Variants in FOXP2 observed in about 807,000 individuals in gnomAD.
The protein encoded by FOXP2 is forkhead box protein P2.
Under a neutral mutation model 115.8 loss-of-function variants are expected in FOXP2, and 12 were observed. The ratio of observed to expected loss-of-function variants is 0.10; its 90% confidence interval spans 0.07 to 0.17. The LOEUF is 0.17. FOXP2 is among the 10% of genes least tolerant of loss of function. The pLI is 1.00. For missense variants in FOXP2, 629 were observed against 843.5 expected (o/e 0.75, Z 3.15); for synonymous variants, 328 against 297.7 (o/e 1.10, Z -1.05).
intron 1 of FOXP2, among the ~76,000 whole-genome samples, chr7:114,225,311 C>G (rs1048359391): frequency 6.6e-6 from 1 of 151,878 alleles, no homozygotes; most frequent in African/African-American, 2.4e-5. Flanking sequence ...GGCCTTCCCC[C>G]CCTCCCCCTT....
chr7:114,338,745 T>G (rs1791116802), intron 2 of FOXP2, among the ~76,000 whole-genome samples: 1 of 82,278 alleles, frequency 1.2e-5, no homozygotes. Flanking sequence ...CTTGTCAAGA[T>G]GTTCACACAC....
chr7:114,510,776 A>G (rs188994450), intron 2 of FOXP2, among the ~76,000 whole-genome samples: 4 of 152,320 alleles, frequency 2.6e-5, no homozygotes, highest in South Asian at 2.1e-4. Context: ...AATTACTTCA[A>G]CCATTGTGGA....
Position 114,498,485 on chromosome 7 carries a change from A to G in FOXP2, c.169-36132A>G, listed in dbSNP as rs536126053. On this transcript the variant is annotated intron_variant, in intron 2 of 16. Coordinates refer to ENST00000350908, the MANE Select transcript of FOXP2 (RefSeq NM_014491.4). Reference sequence around the variant, plus strand: ...ATACAATACAGCCTGGTTAAGTGCAATACAAACACTGGAAAATAGGAAACT... The same window carrying G: ...ATACAATACAGCCTGGTTAAGTGCAGTACAAACACTGGAAAATAGGAAACT... Among the ~76,000 whole-genome samples, 52 of 152,320 alleles carry G rather than the reference A, an allele frequency of 3.4e-4. 1 individual carries two copies. Among genetic ancestry groups the G allele is most frequent in the Non-Finnish European group, 5.7e-4 (39 of 68,030 alleles).
chr7:114,316,134 G>A (rs1797270262), intron 2 of FOXP2, among the ~76,000 whole-genome samples: 1 of 152,148 alleles, frequency 6.6e-6, no homozygotes, highest in Admixed American at 6.5e-5. Flanking sequence ...TCAGCTGGGT[G>A]TGTGCATGTC....
At chr7:114,460,736 C>CA (rs897230288) in intron 2 of FOXP2, among the ~76,000 whole-genome samples, 1 of 152,094 alleles carries the variant, frequency 6.6e-6, no homozygotes, top group African/African-American at 2.4e-5. Context: ...AGTTCTCTCA[C>CA]AAATGAAAAG....
intron 3 of FOXP2, among the ~76,000 whole-genome samples, chr7:114,549,308 C>T (rs1031755212): frequency 6.6e-6 from 1 of 152,150 alleles, no homozygotes; most frequent in African/African-American, 2.4e-5. Context: ...TACCTAGGGT[C>T]AAACTTCAGT....
chr7:114,132,469 T>C (rs902668513), intron 1 of FOXP2, among the ~76,000 whole-genome samples: 1 of 150,888 alleles, frequency 6.6e-6, no homozygotes, highest in Non-Finnish European at 1.5e-5. Context: ...AACTGACAAA[T>C]AAATCTGTTA....
chr7:114,575,990 G>T (rs1459529938), intron 3 of FOXP2, among the ~76,000 whole-genome samples: 1 of 151,722 alleles, frequency 6.6e-6, no homozygotes, highest in African/African-American at 2.4e-5. Context: ...TGAATTCATT[G>T]TTTTACTGTG....
chr7:114,405,391 A>T (rs556125978), intron 2 of FOXP2, among the ~76,000 whole-genome samples: 1 of 151,936 alleles, frequency 6.6e-6, no homozygotes, highest in Non-Finnish European at 1.5e-5. Context: ...ACAAATAGTA[A>T]TATCTATTAA....
chr7:114,663,049 A>C (rs1392017890), intron 14 of FOXP2, among the ~76,000 whole-genome samples: 1 of 152,164 alleles, frequency 6.6e-6, no homozygotes, highest in East Asian at 1.9e-4. Context: ...ATGTTAATTC[A>C]TGGTGTTCTA....
intron 2 of FOXP2, among the ~76,000 whole-genome samples, chr7:114,378,367 AC>A (rs1328445676): frequency 6.6e-6 from 1 of 152,014 alleles, no homozygotes; most frequent in East Asian, 1.9e-4. Flanking sequence ...TCGGAATTGG[AC>A]TTACTTGCTG....
intron 2 of FOXP2, among the ~76,000 whole-genome samples, chr7:114,326,973 A>G (rs1336779262): frequency 6.6e-6 from 1 of 152,222 alleles, no homozygotes; most frequent in Non-Finnish European, 1.5e-5. Context: ...TACATAGGAT[A>G]GATTACTGTC....
Position 114,637,959 on chromosome 7 carries a change from A to G in FOXP2, c.776-4451A>G, listed in dbSNP as rs548278298. On this transcript the variant is annotated intron_variant, in intron 6 of 16. Coordinates refer to ENST00000350908, the MANE Select transcript of FOXP2 (RefSeq NM_014491.4). The stretch of plus-strand genomic sequence containing the variant: ...AGATATCATATGTGAAGCACTTAGA[A>G]GAATGTCTGCCATATCAAAAGCACT... 1.2e-3 allele frequency among the ~76,000 whole-genome samples: 179 copies of G among 152,290 alleles called. 1 individual carries two copies. The highest frequency in any genetic ancestry group is 3.4e-3 in the Middle Eastern group (1 of 294).
intron 3 of FOXP2, among the ~76,000 whole-genome samples, chr7:114,558,404 A>C (rs543149145): frequency 2.6e-5 from 4 of 152,322 alleles, no homozygotes; most frequent in Non-Finnish European, 5.9e-5. Flanking sequence ...TCCAAGAGAA[A>C]AGACAGGTGG....
intron 1 of FOXP2, among the ~76,000 whole-genome samples, chr7:114,231,508 G>A (rs74753317): frequency 1.3e-5 from 2 of 152,084 alleles, no homozygotes; most frequent in African/African-American, 4.8e-5. Context: ...AAACAGTATG[G>A]TACTGGCGTG....
At chr7:114,484,807 A>G (rs1796703155) in intron 2 of FOXP2, among the ~76,000 whole-genome samples, 1 of 151,984 alleles carries the variant, frequency 6.6e-6, no homozygotes, top group Non-Finnish European at 1.5e-5. Context: ...CAGAAAAATA[A>G]CAAAATCATT....
intron 1 of FOXP2, among the ~76,000 whole-genome samples, chr7:114,217,816 T>C (rs1279845070): frequency 1.3e-5 from 2 of 152,210 alleles, no homozygotes; most frequent in Admixed American, 1.3e-4. Flanking sequence ...TTTTATTCTG[T>C]GCTTTTCATG....
intron 2 of FOXP2, among the ~76,000 whole-genome samples, chr7:114,385,507 C>A (rs188901922): frequency 1.1e-4 from 17 of 152,114 alleles, no homozygotes; most frequent in Non-Finnish European, 2.2e-4. Flanking sequence ...TGCCTCTAGT[C>A]GGCCCTCGGC....
At chr7:114,544,831 A>T (rs1461660766) in intron 3 of FOXP2, among the ~76,000 whole-genome samples, 1 of 152,216 alleles carries the variant, frequency 6.6e-6, no homozygotes, top group Non-Finnish European at 1.5e-5. Context: ...AGTTTCTCAA[A>T]ATCATGGCCA....
Sources: gnomAD v4.1 joint callset for allele counts (sites outside exome capture counted in the v4.1 genomes callset) on GRCh38, gnomAD v4.1.1 for gene constraint, MANE v1.5 for transcripts, NCBI Gene and HGNC (gene_info 2026-07-23, HGNC 2026-07-21) for gene names.